The following F8 variants were observed in gnomAD, a reference collection of about 807,000 sequenced individuals.
F8 encodes antihemophilic factor.
Under a neutral mutation model 140.6 loss-of-function variants are expected in F8, and 12 were observed. That is an observed-to-expected ratio of 0.09 (90% CI 0.05 to 0.14). The LOEUF (loss-of-function observed/expected upper bound fraction) is 0.14. Ranked by LOEUF, F8 falls within the 10% of genes least tolerant of loss-of-function variation. The pLI is 1.00. For synonymous variants in F8, 585 were observed against 614.6 expected (o/e 0.95, Z 0.71); for missense variants, 1,354 against 1,720.7 (o/e 0.79, Z 3.77).
At chrX:154,838,373 G>T (rs1557271109) in intron 25 of F8, among the ~76,000 whole-genome samples, 1 of 111,732 alleles carries the variant, frequency 8.9e-6, no homozygotes, top group Admixed American at 9.5e-5. Flanking sequence ...AGATCTGAAT[G>T]TTCAAAACGT....
rs1173458128 is a variant in F8, at chrX:155,022,548, T to G, written c.5A>C (p.Gln2Pro). The change falls in exon 1 of 26, where the codon CAA becomes CCA. Residue 2 changes from glutamine to proline, a missense_variant. Transcript: ENST00000360256. M[Q>P]IELSTCFFLC... ...AAAGAAGCAGGTGGAGAGCTCTATT[T>G]GCATGACTTATTGCTACAAATGTTC... is the stretch of plus-strand genomic sequence containing the variant. The G allele has an allele frequency of 9.1e-6, 11 of 1,210,684 alleles. No homozygotes were observed. Among genetic ancestry groups the G allele is most frequent in the Non-Finnish European group, 1.2e-5 (11 of 895,347 alleles).
intron 13 of F8, among the ~76,000 whole-genome samples, chrX:154,938,205 G>C (rs782701803): frequency 9.1e-6 from 1 of 110,153 alleles, no homozygotes; most frequent in Non-Finnish European, 1.9e-5. Context: ...AAAATTCTTA[G>C]CTCAATGCCA....
At chrX:154,906,665 C>G (rs2124000999) in intron 14 of F8, 92 bp from the exon 15 acceptor site, 2 of 842,312 alleles carry the variant, frequency 2.4e-6, no homozygotes, top group East Asian at 6.4e-5. Context: ...GCCTGAGAAG[C>G]ATTTTGCATA....
At chrX:154,927,692 A>G (rs781850706) in intron 14 of F8, among the ~76,000 whole-genome samples, 1 of 112,527 alleles carries the variant, frequency 8.9e-6, no homozygotes, top group South Asian at 3.7e-4. Flanking sequence ...CAATGCAGCA[A>G]TAAGGGCTTA....
rs1557275818 is a variant in F8 at position 154,899,893 on chromosome X, G to C, written c.6246C>G (p.Ser2082Arg). Residue 2082 changes from serine to arginine, a missense_variant, in exon 21 of 26, where the codon AGC (serine) becomes AGG (arginine). Transcript: ENST00000360256. ...TGATCCAAGAAAAGGGCTCCTTGGT[G>C]CTCCAGGCATTGATTGATCCGGAAT... ...LHYSGSINAWSTKEPFSWIKV... is the reference protein window; with the variant it reads ...LHYSGSINAWRTKEPFSWIKV... 8.3e-7 allele frequency: 1 copy of C among 1,211,286 alleles called. No individual in the cohort carries two copies. The highest frequency in any genetic ancestry group is 2.2e-5 in the Admixed American group (1 of 45,985).
At chrX:154,946,191 G>A (rs5987068) in intron 13 of F8, among the ~76,000 whole-genome samples, 1,145 of 111,875 alleles carry the variant, frequency 0.01, 15 homozygotes, top group African/African-American at 0.036. Context: ...CTATCCAAAT[G>A]CCAGTGAAGT....
intron 14 of F8, among the ~76,000 whole-genome samples, chrX:154,918,547 C>A (rs1443547525): frequency 4.6e-5 from 5 of 109,020 alleles, no homozygotes; most frequent in African/African-American, 1.7e-4. Flanking sequence ...GGGAACTTTT[C>A]TGCATGGTGC....
chrX:154,838,744 A>G (rs1557271132), intron 25 of F8, among the ~76,000 whole-genome samples: 1 of 111,932 alleles, frequency 8.9e-6, no homozygotes, highest in Non-Finnish European at 1.9e-5. Flanking sequence ...AAATGGGAAG[A>G]GACTTTTCCT....
rs781799682 is a variant in F8 at position 154,860,604 on chromosome X, T to C, written c.6728A>G (p.Asn2243Ser). The C allele has an allele frequency of 8.3e-7, 1 of 1,211,493 alleles. No individual in the cohort carries two copies. Among genetic ancestry groups the C allele is most frequent in the Non-Finnish European group, 1.1e-6 (1 of 895,095 alleles). Residue 2243 changes from asparagine to serine, a missense_variant, in exon 25 of 26, where the codon AAT becomes AGT. Around this residue, in one of 4 missense-constraint regions of F8, gnomAD observed 316 missense variants for 485.4 expected, o/e 0.65. Coordinates refer to ENST00000360256, the MANE Select transcript of F8 (RefSeq NM_000132.4). ...CACTTGCAGCCACTCTTTTGGATTA[T>C]TCACCTGAGGGCAATAGAGTTGGAC... The part of the protein sequence containing the change: ...GRSNAWRPQV[N>S]NPKEWLQVDF...
rs782746290 is a variant in F8 at position 154,967,143 on chromosome X, G to C, written c.1010-456C>G. On this transcript the variant is annotated intron_variant, in intron 7 of 25. Transcript: ENST00000360256. ...CTTTCTCTCTTATTAGGCCTTCCAGGCTCTCCCCTAAGTACCCCCCCTTTC... is the reference window on the plus strand; with the variant it reads ...CTTTCTCTCTTATTAGGCCTTCCAGCCTCTCCCCTAAGTACCCCCCCTTTC... 3.6e-5 allele frequency among the ~76,000 whole-genome samples: 4 copies of C among 110,912 alleles called. No individual in the cohort carries two copies. The South Asian group carries it at 1.5e-3, about 43-fold the overall frequency.
intron 22 of F8, among the ~76,000 whole-genome samples, chrX:154,865,529 AAC>A (rs1461764384): frequency 9.0e-6 from 1 of 111,225 alleles, no homozygotes; most frequent in Non-Finnish European, 1.9e-5. Context: ...TGTCAATGGA[AAC>A]ACAATATAGA....
chrX:154,871,972 G>T lies in F8; in HGVS notation c.6430-8745C>A, dbSNP rs370233616. Among the ~76,000 whole-genome samples, 8 of 112,456 alleles carry T rather than the reference G, an allele frequency of 7.1e-5. No homozygotes were observed. The South Asian group carries it at 2.2e-3, about 31-fold the overall frequency. On this transcript the variant is annotated intron_variant, in intron 22 of 25. Transcript: ENST00000360256. ...ATGCTGATCATCACTGGTCATTAAA[G>T]AAATGCAAATCAAAACCACAATGAG...
At chrX:155,017,102 T>TA (rs1557287086) in intron 1 of F8, among the ~76,000 whole-genome samples, 1 of 112,640 alleles carries the variant, frequency 8.9e-6, no homozygotes. Context: ...AGGCCAGAGA[T>TA]ATGCACGGAA....
intron 14 of F8, among the ~76,000 whole-genome samples, chrX:154,912,051 C>CT (rs1280395728): frequency 9.0e-6 from 1 of 111,577 alleles, no homozygotes; most frequent in Non-Finnish European, 1.9e-5. Flanking sequence ...GGATCCTTTG[C>CT]TTTTTTGCCA....
chrX:154,996,947 G>A (rs1557285133), intron 3 of F8, 26 bp downstream of exon 3: 4 of 1,207,039 alleles, frequency 3.3e-6, no homozygotes, highest in Middle Eastern at 2.3e-4. Flanking sequence ...TAGAATGACA[G>A]GACAATAGGA....
chrX:154,906,585 A>G lies in F8; in HGVS notation c.5220-12T>C, dbSNP rs367609882. The G allele has an allele frequency of 3.6e-5, 43 of 1,206,587 alleles. No individual in the cohort carries two copies. The highest frequency in any genetic ancestry group is 6.6e-5 in the Admixed American group (3 of 45,587). On this transcript the variant is annotated splice_polypyrimidine_tract_variant and intron_variant, in intron 14 of 25. Coordinates refer to ENST00000360256, the MANE Select transcript of F8 (RefSeq NM_000132.4). ...TGCCACTCTGAGCCCTGGAGAAAAAAAGCAGAGGAAAAGCAATAATTTTAT... is the reference window on the plus strand; with the variant it reads ...TGCCACTCTGAGCCCTGGAGAAAAAGAGCAGAGGAAAAGCAATAATTTTAT...
At chrX:154,903,885 A>C (rs2073022563) in intron 18 of F8, 21 bp downstream of exon 18, 1 of 1,196,762 alleles carries the variant, frequency 8.4e-7, no homozygotes. Flanking sequence ...GGTAGAAGAA[A>C]GAGCACAAAC....
chrX:154,971,541 G>A (rs782572248), intron 6 of F8, among the ~76,000 whole-genome samples: 22 of 111,282 alleles, frequency 2.0e-4, no homozygotes, highest in Admixed American at 1.9e-3. Context: ...TTTGTTGTGA[G>A]ACCATTCAAA....
At chrX:154,856,870 A>G (rs2148564862) in intron 25 of F8, among the ~76,000 whole-genome samples, 1 of 112,015 alleles carries the variant, frequency 8.9e-6, no homozygotes, top group African/African-American at 3.2e-5. Flanking sequence ...ATTTCAGGAG[A>G]CCCAAAATGT....
Sources: allele counts gnomAD v4.1 joint callset (sites outside exome capture counted in the v4.1 genomes callset), GRCh38; gene constraint gnomAD v4.1.1; regional missense constraint gnomAD v4.1.1; transcripts MANE v1.5; gene names NCBI Gene and HGNC (gene_info 2026-07-23, HGNC 2026-07-21).